HDAC9: variants seen among roughly 807,000 people sequenced by gnomAD.
The protein encoded by HDAC9 is MEF-2 interacting transcription repressor (MITR) protein.
Under a neutral mutation model 139.4 loss-of-function variants are expected in HDAC9, and 41 were observed. The ratio of observed to expected loss-of-function variants is 0.29; its 90% CI spans 0.23 to 0.38. HDAC9 has a LOEUF of 0.38. HDAC9 is among the 10% of genes least tolerant of loss of function. The pLI, the probability that HDAC9 is intolerant of heterozygous loss-of-function variation, is 1.00. For missense variants in HDAC9, 1,147 were observed against 1,297.0 expected (o/e 0.88, Z 1.78); for synonymous variants, 517 against 476.2 (o/e 1.09, Z -1.12).
chr7:18,426,576 T>A (rs1790136419), intron 1 of HDAC9, among the ~76,000 whole-genome samples: 1 of 152,234 alleles, frequency 6.6e-6, no homozygotes, highest in Non-Finnish European at 1.5e-5. Flanking sequence ...AAATTTGTAT[T>A]CAGCATCTTC....
intron 11 of HDAC9, among the ~76,000 whole-genome samples, chr7:18,659,201 T>G (rs1357003284): frequency 6.6e-6 from 1 of 152,190 alleles, no homozygotes; most frequent in African/African-American, 2.4e-5. Context: ...ATTATAGAAT[T>G]TAAGCATATT....
intron 2 of HDAC9, among the ~76,000 whole-genome samples, chr7:18,269,247 C>G (rs373105342): frequency 6.6e-6 from 1 of 152,050 alleles, no homozygotes; most frequent in East Asian, 1.9e-4. Flanking sequence ...AAACTCTAAA[C>G]TTTGAAAAAT....
intron 1 of HDAC9, among the ~76,000 whole-genome samples, chr7:18,291,506 A>G (rs777009358): frequency 6.6e-6 from 1 of 152,080 alleles, no homozygotes; most frequent in Non-Finnish European, 1.5e-5. Flanking sequence ...GGGAACATAG[A>G]GTGCTCACTG....
At chr7:18,684,315 T>A (rs918245885) in intron 12 of HDAC9, among the ~76,000 whole-genome samples, 1 of 149,588 alleles carries the variant, frequency 6.7e-6, no homozygotes, top group Admixed American at 6.7e-5. Context: ...TGATCCATTT[T>A]ACTGACAACA....
intron 2 of HDAC9, among the ~76,000 whole-genome samples, chr7:18,543,887 A>G (rs764840392): frequency 2.3e-4 from 29 of 126,284 alleles, no homozygotes; most frequent in South Asian, 4.6e-4. Context: ...GTATTTTAGG[A>G]AAAAAAAAAA....
At chr7:18,542,907 C>A (rs183522848) in intron 2 of HDAC9, among the ~76,000 whole-genome samples, 3 of 152,180 alleles carry the variant, frequency 2.0e-5, no homozygotes, top group Non-Finnish European at 2.9e-5. Context: ...AAATTAGAAG[C>A]TACCTAAAAT....
intron 1 of HDAC9, among the ~76,000 whole-genome samples, chr7:18,367,566 T>C (rs546877985): frequency 6.6e-6 from 1 of 152,264 alleles, no homozygotes; most frequent in South Asian, 2.1e-4. Flanking sequence ...CTTGAATAAA[T>C]GACATTTGCT....
chr7:18,889,739 C>T (rs937429603), intron 22 of HDAC9, among the ~76,000 whole-genome samples: 4 of 152,144 alleles, frequency 2.6e-5, no homozygotes, highest in African/African-American at 9.7e-5. Flanking sequence ...GCTCTGTCAC[C>T]CAGGCTGAAG....
intron 23 of HDAC9, among the ~76,000 whole-genome samples, chr7:18,936,691 G>A (rs1781659610): frequency 6.6e-6 from 1 of 152,134 alleles, no homozygotes; most frequent in Non-Finnish European, 1.5e-5. Context: ...ATACAGTAGT[G>A]TTAAGACTAT....
At chr7:18,478,990 T>TA (rs1183540128) in intron 1 of HDAC9, among the ~76,000 whole-genome samples, 1 of 152,154 alleles carries the variant, frequency 6.6e-6, no homozygotes, top group Non-Finnish European at 1.5e-5. Flanking sequence ...TCTTATTTTT[T>TA]AACCATTATT....
intron 6 of HDAC9, among the ~76,000 whole-genome samples, chr7:18,617,062 T>C (rs1408341595): frequency 1.3e-5 from 2 of 152,184 alleles, no homozygotes; most frequent in Non-Finnish European, 2.9e-5. Context: ...TTTTCCTTTA[T>C]TTCATCCAGT....
intron 1 of HDAC9, among the ~76,000 whole-genome samples, chr7:18,377,984 C>G (rs773745471): frequency 6.6e-6 from 1 of 152,082 alleles, no homozygotes; most frequent in Admixed American, 6.5e-5. Flanking sequence ...TAAAGGAGGT[C>G]TCAGATTCCC....
chr7:18,442,103 T>C (rs1791832602), intron 1 of HDAC9, among the ~76,000 whole-genome samples: 1 of 152,050 alleles, frequency 6.6e-6, no homozygotes. Flanking sequence ...TACAGTGACA[T>C]AGAGGGGAAA....
chr7:18,880,590 G>A (rs1334744213), intron 22 of HDAC9, among the ~76,000 whole-genome samples: 2 of 152,020 alleles, frequency 1.3e-5, no homozygotes, highest in African/African-American at 4.8e-5. Context: ...CTTTCAATTG[G>A]GAGCTAAATG....
At chr7:18,551,399 G>T (rs995071835) in intron 2 of HDAC9, among the ~76,000 whole-genome samples, 2 of 152,092 alleles carry the variant, frequency 1.3e-5, no homozygotes. Flanking sequence ...ATTAGATGAG[G>T]TTACCGAGGA....
chr7:18,951,996 G>GA (rs1297525835), intron 23 of HDAC9, among the ~76,000 whole-genome samples: 2 of 151,806 alleles, frequency 1.3e-5, no homozygotes, highest in East Asian at 1.9e-4. Flanking sequence ...ACCTGCCAGA[G>GA]AAAAAATAAA....
intron 13 of HDAC9, among the ~76,000 whole-genome samples, chr7:18,747,833 C>G (rs1788115434): frequency 6.6e-6 from 1 of 152,134 alleles, no homozygotes; most frequent in South Asian, 2.1e-4. Flanking sequence ...TGAGCACACT[C>G]AAGGAAAAAT....
At chr7:18,948,259 A>AAAAT (rs1252601662) in intron 23 of HDAC9, among the ~76,000 whole-genome samples, 3 of 152,082 alleles carry the variant, frequency 2.0e-5, no homozygotes, top group African/African-American at 7.2e-5. Flanking sequence ...GTATTGGAGA[A>AAAAT]AAATAAATAA....
chr7:18,314,825 C>A (rs1369518014), intron 1 of HDAC9, among the ~76,000 whole-genome samples: 4 of 152,130 alleles, frequency 2.6e-5, no homozygotes, highest in Non-Finnish European at 4.4e-5. Flanking sequence ...AACTTTGTGG[C>A]TGTCTTTTAA....
Sources: allele counts gnomAD v4.1 joint callset (sites outside exome capture counted in the v4.1 genomes callset), GRCh38; gene constraint gnomAD v4.1.1; transcripts MANE v1.5; gene names NCBI Gene and HGNC (gene_info 2026-07-23, HGNC 2026-07-21).